Variants in RSPO2 observed in about 807,000 individuals in gnomAD.
RSPO2 encodes the protein R-spondin 2.
Under a neutral mutation model 30.9 loss-of-function variants are expected in RSPO2, and 14 were observed. The observed-to-expected ratio is 0.45, with a 90% CI of 0.30 to 0.71. The LOEUF (loss-of-function observed/expected upper bound fraction) is 0.71, where lower values mean the gene tolerates loss of function less well. Ranked by LOEUF, RSPO2 falls within the 30% of genes least tolerant of loss-of-function variation. The pLI is 0.08. For missense variants in RSPO2, 264 were observed against 301.9 expected, an observed-to-expected ratio of 0.87 and a Z score of 0.93; for synonymous variants, 107 against 96.4, an observed-to-expected ratio of 1.11 and a Z score of -0.64.
rs542269582 is a variant in RSPO2 at position 108,034,357 on chromosome 8, G to A, written c.95-45113C>T. ...ATAGTCTGAGAAATTTGGTTACGGT[G>A]GGTATTCAGTGACCCTGAGGAATTA... On this transcript the variant is annotated intron_variant, in intron 2 of 5. Transcript: ENST00000276659. 2.0e-5 allele frequency among the ~76,000 whole-genome samples: 3 copies of A among 152,208 alleles called. No homozygotes were observed. In the South Asian group the frequency reaches 6.2e-4, roughly 32 times the overall value.
intron 2 of RSPO2, among the ~76,000 whole-genome samples, chr8:108,019,058 C>A (rs988007610): frequency 9.2e-5 from 14 of 152,138 alleles, no homozygotes; most frequent in Non-Finnish European, 1.9e-4. Flanking sequence ...ATTTCTGATC[C>A]ATGAATCACA....
intron 2 of RSPO2, among the ~76,000 whole-genome samples, chr8:108,027,243 T>TAAA: frequency 6.6e-6 from 1 of 152,364 alleles, no homozygotes; most frequent in Non-Finnish European, 1.5e-5. Flanking sequence ...CCTCTTGGGA[T>TAAA]TCTCAGTAGT....
intron 5 of RSPO2, among the ~76,000 whole-genome samples, chr8:107,937,002 G>C (rs1041050561): frequency 6.6e-6 from 1 of 151,908 alleles, no homozygotes; most frequent in African/African-American, 2.4e-5. Context: ...ACGTAGTCCC[G>C]TTTGTCTATT....
chr8:107,904,436 C>CAT (rs1586526532), intron 5 of RSPO2, among the ~76,000 whole-genome samples: 1 of 151,856 alleles, frequency 6.6e-6, no homozygotes, highest in African/African-American at 2.4e-5. Flanking sequence ...ACAAATTTTG[C>CAT]ATATCTTTAT....
At chr8:107,938,338 C>T (rs765871985) in intron 5 of RSPO2, among the ~76,000 whole-genome samples, 1 of 152,096 alleles carries the variant, frequency 6.6e-6, no homozygotes, top group South Asian at 2.1e-4. Context: ...CCTTCAAATA[C>T]GTTATCTTAA....
At chr8:108,065,058 TA>T (rs1451975842) in intron 2 of RSPO2, among the ~76,000 whole-genome samples, 1 of 151,892 alleles carries the variant, frequency 6.6e-6, no homozygotes, top group Non-Finnish European at 1.5e-5. Flanking sequence ...CATTAGGATA[TA>T]TACCTAATGT....
chr8:107,905,411 AAC>A (rs1184857656), intron 5 of RSPO2, among the ~76,000 whole-genome samples: 1 of 152,098 alleles, frequency 6.6e-6, no homozygotes, highest in Non-Finnish European at 1.5e-5. Context: ...TACATATATA[AAC>A]ACACAAGCTG....
intron 2 of RSPO2, among the ~76,000 whole-genome samples, chr8:108,076,766 AAAG>A (rs1251540394): frequency 1.4e-4 from 22 of 152,352 alleles, no homozygotes; most frequent in Non-Finnish European, 2.9e-4. Context: ...AAAGAAAAAA[AAAG>A]AAGAAAAGAA....
intron 2 of RSPO2, among the ~76,000 whole-genome samples, chr8:108,052,475 T>G (rs1812104703): frequency 1.3e-5 from 2 of 152,216 alleles, no homozygotes; most frequent in South Asian, 4.1e-4. Flanking sequence ...ATTTTAGAAG[T>G]ATTACTTTAG....
intron 3 of RSPO2, among the ~76,000 whole-genome samples, chr8:107,972,470 G>A (rs190561494): frequency 7.2e-5 from 11 of 152,110 alleles, no homozygotes; most frequent in Admixed American, 3.9e-4. Context: ...TAGTGTAATA[G>A]CATAATTCTG....
intron 2 of RSPO2, among the ~76,000 whole-genome samples, chr8:108,021,536 A>T (rs1384978338): frequency 6.6e-6 from 1 of 152,154 alleles, no homozygotes; most frequent in East Asian, 1.9e-4. Flanking sequence ...ATCTAATTCC[A>T]AACAGCTTGG....
At chr8:108,011,457 A>G (rs1364156632) in intron 2 of RSPO2, among the ~76,000 whole-genome samples, 1 of 152,192 alleles carries the variant, frequency 6.6e-6, no homozygotes, top group Admixed American at 6.5e-5. Flanking sequence ...CTTGCAATGA[A>G]CTCATATTGC....
chr8:107,988,427 T>G lies in RSPO2; in HGVS notation c.283+629A>C, dbSNP rs1397778846. The stretch of plus-strand genomic sequence containing the variant: ...ATAAAGTACTTAAATTCCTTTGTGG[T>G]TTTTTTTTTTTTATAAGCACTGAGT... On this transcript the variant is annotated intron_variant, in intron 3 of 5. Transcript: ENST00000276659. 1.1e-4 allele frequency among the ~76,000 whole-genome samples: 13 copies of G among 117,156 alleles called. No individual in the cohort carries two copies. The East Asian group carries it at 1.6e-3, about 15-fold the overall frequency. The allele number at this position is 117,156 out of a possible 152,430, so 76.9% of individuals were successfully genotyped here.
chr8:108,069,598 ATCTTTT>A (rs1037428054), intron 2 of RSPO2, among the ~76,000 whole-genome samples: 6 of 152,198 alleles, frequency 3.9e-5, no homozygotes, highest in Admixed American at 1.3e-4. Context: ...AGCCATTGAG[ATCTTTT>A]TGTAACCAGT....
At chr8:108,001,951 C>G (rs1202969234) in intron 2 of RSPO2, among the ~76,000 whole-genome samples, 9 of 152,104 alleles carry the variant, frequency 5.9e-5, no homozygotes, top group Admixed American at 1.3e-4. Flanking sequence ...GGCTTAAAAC[C>G]TAGAAGACGG....
At chr8:107,922,711 G>A (rs538895753) in intron 5 of RSPO2, among the ~76,000 whole-genome samples, 4 of 151,984 alleles carry the variant, frequency 2.6e-5, no homozygotes, top group East Asian at 3.9e-4. Flanking sequence ...TATATACTAC[G>A]GGGCTGCAAA....
intron 5 of RSPO2, among the ~76,000 whole-genome samples, chr8:107,950,421 T>C (rs1283913308): frequency 6.6e-6 from 1 of 152,156 alleles, no homozygotes; most frequent in African/African-American, 2.4e-5. Flanking sequence ...GCTTATTTTT[T>C]CTTTTATTCG....
At chr8:108,070,278 CTTTTT>C (rs1050611219) in intron 2 of RSPO2, among the ~76,000 whole-genome samples, 1 of 81,190 alleles carries the variant, frequency 1.2e-5, no homozygotes, top group Non-Finnish European at 2.3e-5. Flanking sequence ...GACCCCATCT[CTTTTT>C]TTTTTTTTTT....
chr8:107,934,961 C>T (rs1467773974), intron 5 of RSPO2, among the ~76,000 whole-genome samples: 1 of 152,090 alleles, frequency 6.6e-6, no homozygotes, highest in Non-Finnish European at 1.5e-5. Flanking sequence ...GTGATGATTG[C>T]GTTATCTGCA....
Sources: allele counts gnomAD v4.1 joint callset (sites outside exome capture counted in the v4.1 genomes callset), GRCh38; gene constraint gnomAD v4.1.1; transcripts MANE v1.5; gene names NCBI Gene and HGNC (gene_info 2026-07-23, HGNC 2026-07-21).